POU6F1: variants seen among roughly 807,000 people sequenced by gnomAD.
POU6F1 encodes POU class 6 homeobox 1.
POU6F1 carries 9 observed loss-of-function variants against 28.9 expected under a neutral mutation model. That is an observed-to-expected ratio of 0.31 (90% CI 0.19 to 0.54). The LOEUF is 0.54. POU6F1 is among the 20% of genes least tolerant of loss of function. POU6F1 has a pLI of 0.94. For synonymous variants in POU6F1, 173 were observed against 171.1 expected, an observed-to-expected ratio of 1.01 and a Z score of -0.09; for missense variants, 338 against 426.1, an observed-to-expected ratio of 0.79 and a Z score of 1.82.
At position 51,190,173 on chromosome 12, in the gene POU6F1, G is replaced by A. The variant is rs1592131678; in HGVS notation, c.*74C>T. The A allele has an allele frequency of 2.6e-6, 4 of 1,551,048 alleles. No individual in the cohort carries two copies. In the East Asian group the frequency reaches 9.2e-5, roughly 36 times the overall value. ...TGCACGTGGCAAAATGACAGGTGCT[G>A]TCATGGCAGTGGCTGCAGCCGGATG... On this transcript the variant is annotated 3_prime_UTR_variant, in exon 11 of 11. Transcript: ENST00000333640. This position sits in a 1 kb window ranked among gnomAD's most constrained non-coding sequence, Gnocchi z 4.5.
rs1944365230 is a variant in POU6F1, at chr12:51,217,732, C to T, written c.-138G>A. 6.6e-6 allele frequency: 1 copy of T among 151,908 alleles called. No homozygotes were observed. Among genetic ancestry groups the T allele is most frequent in the Non-Finnish European group, 1.5e-5 (1 of 67,790 alleles). The allele number at this position is 151,908 out of a possible 1,614,324, so 9.4% of individuals were successfully genotyped here. A position where few individuals can be genotyped will look rare whatever the true frequency, so the allele number is the denominator to read the frequency against. On this transcript the variant is annotated 5_prime_UTR_variant, in exon 1 of 11. Transcript: ENST00000333640. The surrounding 1 kb of genome is among the most constrained non-coding windows in gnomAD (Gnocchi z 5.3). ...ACAGCCCGGGCCAGGGGGCCGGGGC[C>T]GGGGCCGGGGCCACGGCGGCCGCCG...
intron 1 of POU6F1, among the ~76,000 whole-genome samples, chr12:51,216,891 G>A (rs1366353246): frequency 1.3e-5 from 2 of 152,190 alleles, no homozygotes; most frequent in Non-Finnish European, 2.9e-5. Context: ...GGGCTGAGTG[G>A]GGTATTCTGC....
chr12:51,192,670 C>T (rs989852328), intron 8 of POU6F1, among the ~76,000 whole-genome samples, 199 bp from the exon 9 acceptor site: 6 of 152,122 alleles, frequency 3.9e-5, no homozygotes, highest in African/African-American at 1.4e-4. Context: ...TTTGGGAAGC[C>T]AAGGCGGGAG....
At chr12:51,202,288 A>G (rs755268332) in intron 3 of POU6F1, 11 of 151,978 alleles carry the variant, frequency 7.2e-5, no homozygotes, top group Non-Finnish European at 1.6e-4. Context: ...ACTTCCTCCT[A>G]TGTTAATAAT....
chr12:51,191,515 C>T (rs531424389), intron 10 of POU6F1, 81 bp downstream of exon 10: 56 of 1,494,992 alleles, frequency 3.7e-5, no homozygotes, highest in East Asian at 9.2e-5. Context: ...GAAAAGGGGC[C>T]GGTGCTCAGG....
intron 1 of POU6F1, among the ~76,000 whole-genome samples, chr12:51,213,048 T>C (rs1172405525): frequency 6.6e-6 from 1 of 151,918 alleles, no homozygotes; most frequent in Non-Finnish European, 1.5e-5. Context: ...GCAATTCTTC[T>C]GCCTCGGCCT....
chr12:51,210,262 A>C (rs1016161741), intron 1 of POU6F1, among the ~76,000 whole-genome samples: 1 of 152,220 alleles, frequency 6.6e-6, no homozygotes, highest in African/African-American at 2.4e-5. Context: ...CTGGGTAGGA[A>C]CTGGGATAAG....
In POU6F1 at chr12:51,195,951, CCCCCCCCAG is replaced by C; in HGVS notation, c.1179+10_1179+18del. 2 of 1,232,622 alleles carry C rather than the reference CCCCCCCCAG, an allele frequency of 1.6e-6. No individual in the cohort carries two copies. The highest frequency in any genetic ancestry group is 2.2e-6 in the Non-Finnish European group (2 of 912,390). The allele number at this position is 1,232,622 out of a possible 1,614,324, so 76.4% of individuals were successfully genotyped here. On this transcript the variant is annotated intron_variant, in intron 8 of 10. Transcript: ENST00000333640. ...ATAGCAGAGCCTGCCCCACCCCCCACCCCCCCCAGCCCCTGTACCTCACTCTTAGCAGGG... is the reference window on the plus strand; with the variant it reads ...ATAGCAGAGCCTGCCCCACCCCCCACCCCCTGTACCTCACTCTTAGCAGGG...
At chr12:51,195,414 A>T (rs1222463367) in intron 8 of POU6F1, among the ~76,000 whole-genome samples, 1 of 152,140 alleles carries the variant, frequency 6.6e-6, no homozygotes. Flanking sequence ...TGTCCCTGTG[A>T]TAGTTTTGTC....
chr12:51,215,551 G>A (rs555725376), intron 1 of POU6F1, among the ~76,000 whole-genome samples: 1 of 74,268 alleles, frequency 1.3e-5, no homozygotes, highest in Admixed American at 2.0e-4. Context: ...GTGAAACCCT[G>A]TCTCAAAAAA....
chr12:51,208,735 G>A (rs1048817354), intron 1 of POU6F1, among the ~76,000 whole-genome samples: 9 of 152,154 alleles, frequency 5.9e-5, no homozygotes, highest in East Asian at 1.9e-4. Context: ...CCAGGAGTTC[G>A]AGACTAGCCT....
chr12:51,200,233 C>T (rs910955059), intron 3 of POU6F1, among the ~76,000 whole-genome samples: 1 of 152,260 alleles, frequency 6.6e-6, no homozygotes, highest in South Asian at 2.1e-4. Flanking sequence ...CAGGGAGGGC[C>T]GGAGCTAGAA....
chr12:51,188,855 C>G lies in POU6F1; in HGVS notation c.*1392G>C, dbSNP rs752898583. 1.3e-5 allele frequency: 2 copies of G among 152,252 alleles called. No homozygotes were observed. Among genetic ancestry groups the G allele is most frequent in the East Asian group, 1.9e-4 (1 of 5,184 alleles). The allele number at this position is 152,252 out of a possible 1,614,324, so 9.4% of individuals were successfully genotyped here. On this transcript the variant is annotated 3_prime_UTR_variant, in exon 11 of 11. Coordinates refer to ENST00000333640, the MANE Select transcript of POU6F1 (RefSeq NM_001330422.2). ...GGGGCCCTTTAGGGATAATCTACAC[C>G]GCAAGCCTGTGGTCATCTAGGCAAA...
chr12:51,192,474 G>A lies in POU6F1; in HGVS notation c.1180-3C>T, dbSNP rs745592694. Reference sequence around the variant, plus strand: ...GGTGTGGGCTGGATGGGCTGCACCTGTGAAAGGACAGACAACAAGCCTTTG... The same window carrying A: ...GGTGTGGGCTGGATGGGCTGCACCTATGAAAGGACAGACAACAAGCCTTTG... On this transcript the variant is annotated splice_region_variant and splice_polypyrimidine_tract_variant and intron_variant, in intron 8 of 10. Transcript: ENST00000333640. 13 of 1,612,480 alleles carry A rather than the reference G, an allele frequency of 8.1e-6. No individual in the cohort carries two copies. The highest frequency in any genetic ancestry group is 1.1e-5 in the Non-Finnish European group (13 of 1,179,702).
chr12:51,213,820 C>A (rs1944151528), intron 1 of POU6F1, among the ~76,000 whole-genome samples: 2 of 151,992 alleles, frequency 1.3e-5, no homozygotes, highest in South Asian at 4.1e-4. Flanking sequence ...GCGTGAGCCA[C>A]CACATCCGGC....
intron 3 of POU6F1, among the ~76,000 whole-genome samples, chr12:51,203,651 C>T (rs1190473318): frequency 2.0e-5 from 3 of 152,142 alleles, no homozygotes; most frequent in African/African-American, 7.2e-5. Flanking sequence ...TCTCTTCTTG[C>T]CTCCTCTTCT....
intron 2 of POU6F1, among the ~76,000 whole-genome samples, chr12:51,205,970 C>A (rs1943578501): frequency 6.6e-6 from 1 of 150,794 alleles, no homozygotes; most frequent in Admixed American, 6.6e-5. Flanking sequence ...AGGTGCCCAC[C>A]ACCACGCCCG....
At chr12:51,205,570 T>A (rs1943538719) in intron 2 of POU6F1, among the ~76,000 whole-genome samples, 1 of 152,232 alleles carries the variant, frequency 6.6e-6, no homozygotes, top group African/African-American at 2.4e-5. Context: ...AGTCTGTAAA[T>A]TAAACAGCTT....
intron 3 of POU6F1, 52 bp downstream of exon 3, chr12:51,204,121 G>A (rs1037656318): frequency 2.3e-5 from 9 of 398,948 alleles, no homozygotes; most frequent in Non-Finnish European, 4.0e-5. Flanking sequence ...GACCACAGGA[G>A]GGACTTGGCA....
Sources: gnomAD v4.1 joint callset for allele counts (sites outside exome capture counted in the v4.1 genomes callset) on GRCh38, gnomAD v4.1.1 for gene constraint, Gnocchi (gnomAD v3.1) non-coding constraint, MANE v1.5 for transcripts, NCBI Gene and HGNC (gene_info 2026-07-23, HGNC 2026-07-21) for gene names.